The following NSUN2 variants were observed in gnomAD, a reference collection of about 807,000 sequenced individuals.
NSUN2 encodes RNA cytosine C(5)-methyltransferase NSUN2.
A neutral mutation model predicts 92.7 loss-of-function variants in NSUN2; 63 were observed. The observed-to-expected ratio is 0.68, with a 90% CI of 0.56 to 0.84. The LOEUF is 0.84. Among genes scored for constraint, NSUN2 ranks in the 40% least tolerant of loss-of-function variants. The probability of loss-of-function intolerance (pLI) is 0.00; values close to 1 mark genes in which losing one functional copy is unlikely to be tolerated. For synonymous variants in NSUN2, 356 were observed against 348.3 expected (o/e 1.02, Z -0.25); for missense variants, 989 against 964.9 (o/e 1.02, Z -0.33).
At position 6,632,737 on chromosome 5, in the gene NSUN2, G is replaced by T. The variant is rs149512747; in HGVS notation, c.116C>A (p.Pro39His). The change falls in exon 2 of 19, where the codon CCC becomes CAC. Residue 39 changes from proline (P) to histidine (H), a missense_variant. Around this residue, in one of 3 missense-constraint regions of NSUN2, gnomAD observed 356 missense variants for 338.6 expected, o/e 1.05. Coordinates refer to ENST00000264670, the MANE Select transcript of NSUN2 (RefSeq NM_017755.6). ...CAGCTTGTTCTCCTTGACGATCTCG[G>T]GGTAGCCTCCTTCCCAGCCCTGAGG... is the stretch of plus-strand genomic sequence containing the variant. ...RGEAGWEGGY[P>H]EIVKENKLFE... 1 of 1,613,982 alleles carries T rather than the reference G, an allele frequency of 6.2e-7. No homozygotes were observed. The highest frequency in any genetic ancestry group is 1.7e-5 in the Admixed American group (1 of 60,020).
At chr5:6,616,906 G>A in intron 8 of NSUN2, 49 bp from the exon 9 acceptor site, 1 of 1,542,374 alleles carries the variant, frequency 6.5e-7, no homozygotes, top group Non-Finnish European at 8.8e-7. Context: ...TCCATGAAGT[G>A]CACATATTAG....
chr5:6,600,955 C>T (rs1477945006), intron 18 of NSUN2, among the ~76,000 whole-genome samples: 2 of 152,150 alleles, frequency 1.3e-5, no homozygotes, highest in Non-Finnish European at 2.9e-5. Flanking sequence ...CATCGACGCC[C>T]CAGCAGAGAT....
chr5:6,612,002 C>A (rs1415880443), intron 9 of NSUN2, among the ~76,000 whole-genome samples: 1 of 152,140 alleles, frequency 6.6e-6, no homozygotes, highest in African/African-American at 2.4e-5. Flanking sequence ...GAATGGGGAG[C>A]AAGTGCTGTT....
chr5:6,632,409 C>T (rs568023231), intron 2 of NSUN2, among the ~76,000 whole-genome samples, 190 bp downstream of exon 2: 71 of 152,310 alleles, frequency 4.7e-4, no homozygotes, highest in African/African-American at 1.5e-3. Flanking sequence ...CGTCTTCTAA[C>T]CTTGCGCCTG....
chr5:6,622,218 G>A, intron 5 of NSUN2, 118 bp from the exon 6 acceptor site: 2 of 754,262 alleles, frequency 2.7e-6, no homozygotes, highest in South Asian at 1.7e-5. Context: ...CTTCTTTACA[G>A]AGTCTATAGC....
chr5:6,611,475 C>A (rs1366276968), intron 10 of NSUN2, among the ~76,000 whole-genome samples: 1 of 59,488 alleles, frequency 1.7e-5, no homozygotes, highest in Non-Finnish European at 3.8e-5. Context: ...AGCAAAGCTA[C>A]CCTTACAGGG....
At chr5:6,630,350 G>C (rs1351883863) in intron 3 of NSUN2, among the ~76,000 whole-genome samples, 1 of 152,102 alleles carries the variant, frequency 6.6e-6, no homozygotes, top group African/African-American at 2.4e-5. Flanking sequence ...CTGTGGCCCA[G>C]GCTGGAGTGC....
rs771894140 is a variant in NSUN2, at chr5:6,621,999, ACAAGT to A, written c.622+12_622+16del. 74 of 1,604,292 alleles carry A rather than the reference ACAAGT, an allele frequency of 4.6e-5. No homozygotes were observed. The highest frequency in any genetic ancestry group is 5.9e-5 in the Non-Finnish European group (69 of 1,171,536). ...AAGTGGCATTCCTACCATTTTGAAC[ACAAGT>A]CCAATGCATACCTGGAAAGGGGACA... On this transcript the variant is annotated intron_variant, in intron 6 of 18. Coordinates refer to ENST00000264670, the MANE Select transcript of NSUN2 (RefSeq NM_017755.6).
At chr5:6,630,368 T>C (rs1737827747) in intron 3 of NSUN2, among the ~76,000 whole-genome samples, 1 of 152,164 alleles carries the variant, frequency 6.6e-6, no homozygotes. Context: ...TGCAGTGGCA[T>C]GATCTTGGCT....
At chr5:6,617,230 CTT>C (rs1463264657) in intron 8 of NSUN2, among the ~76,000 whole-genome samples, 3 of 152,130 alleles carry the variant, frequency 2.0e-5, no homozygotes, top group African/African-American at 4.8e-5. Context: ...AGTCCTAACT[CTT>C]GTCTCTGTGT....
intron 8 of NSUN2, among the ~76,000 whole-genome samples, chr5:6,617,087 A>G (rs1473189170): frequency 1.3e-5 from 2 of 152,212 alleles, no homozygotes; most frequent in Non-Finnish European, 2.9e-5. Context: ...ACCTTTCCCA[A>G]TATGTCAACC....
rs537012976 is a variant in NSUN2, at chr5:6,609,341, A to C, written c.1323+485T>G. Among the ~76,000 whole-genome samples the C allele has an allele frequency of 2.6e-5, 4 of 152,336 alleles. No homozygotes were observed. The South Asian group carries it at 6.2e-4, about 24-fold the overall frequency. ...CTGCCTTGGAAAGGAACCAGCAGGC[A>C]GTTTAGATCCATAGCAAACAGGCCG... is the stretch of plus-strand genomic sequence containing the variant. On this transcript the variant is annotated intron_variant, in intron 12 of 18. Transcript: ENST00000264670.
At position 6,616,719 on chromosome 5, in the gene NSUN2, G is replaced by A. The variant is rs757441026; in HGVS notation, c.1021+8C>T. 63 of 1,374,698 alleles carry A rather than the reference G, an allele frequency of 4.6e-5. No individual in the cohort carries two copies. Among genetic ancestry groups the A allele is most frequent in the South Asian group, 3.2e-4 (25 of 77,314 alleles). The allele number at this position is 1,374,698 out of a possible 1,614,324, so 85.2% of individuals were successfully genotyped here. On this transcript the variant is annotated splice_region_variant and intron_variant, in intron 9 of 18. Transcript: ENST00000264670. ...GCTGTTAATAAAAGATCCATCAAGCGTGCTTACCTTCACTTTTTTCCAGTA... is the reference window on the plus strand; with the variant it reads ...GCTGTTAATAAAAGATCCATCAAGCATGCTTACCTTCACTTTTTTCCAGTA...
chr5:6,631,527 G>A lies in NSUN2; in HGVS notation c.359+346C>T, dbSNP rs76800733. ...TACCAGGAGACTGTTGTCAAGCTAA[G>A]TCTGTCCTTTTTCTGAAGGCAAAGC... is the stretch of plus-strand genomic sequence containing the variant. On this transcript the variant is annotated intron_variant, in intron 3 of 18. Coordinates refer to ENST00000264670, the MANE Select transcript of NSUN2 (RefSeq NM_017755.6). Among the ~76,000 whole-genome samples the A allele has an allele frequency of 4.9e-3, 747 of 152,314 alleles. 51 individuals are homozygous for A. In the East Asian group the frequency reaches 0.13, roughly 26 times the overall value.
chr5:6,632,755 C>A lies in NSUN2; in HGVS notation c.98G>T (p.Gly33Val), dbSNP rs1376320316. The A allele has an allele frequency of 6.2e-7, 1 of 1,613,444 alleles. No individual in the cohort carries two copies. Among genetic ancestry groups the A allele is most frequent in the Non-Finnish European group, 8.5e-7 (1 of 1,179,630 alleles). ...AEGGGKRGEAGWEGGYPEIVK... is the reference protein window; with the variant it reads ...AEGGGKRGEAVWEGGYPEIVK... ...GATCTCGGGGTAGCCTCCTTCCCAGCCCTGAGGAAGGAAAGAGACGTCTAC... is the reference window on the plus strand; with the variant it reads ...GATCTCGGGGTAGCCTCCTTCCCAGACCTGAGGAAGGAAAGAGACGTCTAC... The change falls in exon 2 of 19, where the codon GGC (glycine) becomes GTC (valine). Residue 33 changes from glycine to valine, a missense_variant and splice_region_variant. Physicochemically the swap from Gly to Val is moderately radical, Grantham distance 109. Transcript: ENST00000264670.
intron 17 of NSUN2, among the ~76,000 whole-genome samples, chr5:6,603,414 G>C (rs1389859757): frequency 2.0e-5 from 3 of 152,216 alleles, no homozygotes; most frequent in Non-Finnish European, 4.4e-5. Context: ...TTTACTGGCT[G>C]GGCGCGGTGG....
In NSUN2 at chr5:6,616,664, T is replaced by C. The variant is rs1245981004; in HGVS notation, c.1021+63A>G. The C allele has an allele frequency of 4.8e-5, 8 of 166,988 alleles. 2 individuals carry two copies. The highest frequency in any genetic ancestry group is 1.8e-4 in the South Asian group (2 of 11,364). The allele number at this position is 166,988 out of a possible 1,614,324, so 10.3% of individuals were successfully genotyped here. A position where few individuals can be genotyped will look rare whatever the true frequency, so the allele number is the denominator to read the frequency against. ...ATGGTAAACCTCACGTTATGTGTAT[T>C]GTACCATACACATATGAAAAGCCCC... On this transcript the variant is annotated intron_variant, in intron 9 of 18. Transcript: ENST00000264670.
intron 11 of NSUN2, 117 bp from the exon 12 acceptor site, chr5:6,610,039 A>G (rs1736924561): frequency 3.0e-6 from 2 of 663,158 alleles, no homozygotes; most frequent in Non-Finnish European, 2.4e-6. Flanking sequence ...ACCCTCACTC[A>G]TAGAATGGCC....
In NSUN2 at chr5:6,603,751, G is replaced by A. The variant is rs578165294; in HGVS notation, c.1957+387C>T. 5 of 176,610 alleles carry A rather than the reference G, an allele frequency of 2.8e-5. No homozygotes were observed. The East Asian group carries it at 6.4e-4, about 23-fold the overall frequency. 10.9% of individuals were successfully genotyped at this position (176,610 alleles called of 1,614,324 possible). On this transcript the variant is annotated intron_variant, in intron 17 of 18. Transcript: ENST00000264670. The stretch of plus-strand genomic sequence containing the variant: ...CAGAGACCTGCTTCCACCCACCCCC[G>A]ACCTGCTGACAGGCAAGTGGGTCAA...
Sources: gnomAD v4.1 joint callset for allele counts (sites outside exome capture counted in the v4.1 genomes callset) on GRCh38, gnomAD v4.1.1 for gene constraint, gnomAD v4.1.1 regional missense constraint, MANE v1.5 for transcripts, NCBI Gene and HGNC (gene_info 2026-07-23, HGNC 2026-07-21) for gene names.